The following SCGB2A1 variants were observed in gnomAD, a reference collection of about 807,000 sequenced individuals.
The protein encoded by SCGB2A1 is mammaglobin-B.
In SCGB2A1, 6 loss-of-function variants were observed where a neutral mutation model predicts 9.2. The observed-to-expected ratio is 0.66, with a 90% CI of 0.36 to 1.29. The LOEUF is 1.29. Among genes scored for constraint, SCGB2A1 ranks in the 50% most tolerant of loss-of-function variants. The pLI, the probability that SCGB2A1 is intolerant of heterozygous loss-of-function variation, is 0.03. For missense variants in SCGB2A1, 138 were observed against 116.9 expected (o/e 1.18, Z -0.83); for synonymous variants, 37 against 41.0 (o/e 0.90, Z 0.37).
In SCGB2A1 at chr11:62,213,106, A is replaced by ATAT. The variant is rs67975205; in HGVS notation, c.244-619_244-618insATT. Among the ~76,000 whole-genome samples, 35 of 116,234 alleles carry ATAT rather than the reference A, an allele frequency of 3.0e-4. 3 individuals are homozygous for ATAT. The highest frequency in any genetic ancestry group is 1.1e-3 in the African/African-American group (32 of 29,082). The allele number at this position is 116,234 out of a possible 152,430, so 76.3% of individuals were successfully genotyped here. Reference sequence around the variant, plus strand: ...CATATATACACATATATATATATATATTTTTTTTTTTGTAGAGATGGCATT... The same window carrying ATAT: ...CATATATACACATATATATATATATATATTTTTTTTTTTTGTAGAGATGGCATT... On this transcript the variant is annotated intron_variant, in intron 2 of 2. Transcript: ENST00000244930.
intron 2 of SCGB2A1, among the ~76,000 whole-genome samples, chr11:62,210,867 A>G (rs1231518869): frequency 1.3e-5 from 2 of 151,506 alleles, no homozygotes; most frequent in South Asian, 2.1e-4. Context: ...ACAGACACAG[A>G]CACACATAAG....
chr11:62,212,943 T>C (rs1166924806), intron 2 of SCGB2A1, among the ~76,000 whole-genome samples: 2 of 134,972 alleles, frequency 1.5e-5, no homozygotes, highest in African/African-American at 5.1e-5. Flanking sequence ...TACACACATA[T>C]GTACACACAT....
chr11:62,209,675 G>GTGTGTA (rs1182510774), intron 1 of SCGB2A1, among the ~76,000 whole-genome samples: 1 of 145,234 alleles, frequency 6.9e-6, no homozygotes, highest in East Asian at 2.0e-4. Context: ...GTGTGTGTGT[G>GTGTGTA]TGTTTGAGAC....
rs1262726904 is a variant in SCGB2A1, at chr11:62,213,523, C to T, written c.244-203C>T. The T allele has an allele frequency of 5.7e-6, 3 of 527,256 alleles. No individual in the cohort carries two copies. In the African/African-American group the frequency reaches 5.8e-5, roughly 10 times the overall value. 32.7% of individuals were successfully genotyped at this position (527,256 alleles called of 1,614,324 possible). On this transcript the variant is annotated intron_variant, in intron 2 of 2. Transcript: ENST00000244930. ...GATCACTGGTAGGGAAGAGATCCTA[C>T]AACCCTGGCCCCTGTTTGGCATTAT...
intron 2 of SCGB2A1, among the ~76,000 whole-genome samples, chr11:62,212,997 T>TGTACACACAC (rs1396676901): frequency 7.1e-5 from 8 of 112,102 alleles, no homozygotes; most frequent in African/African-American, 2.4e-4. Flanking sequence ...TACATGCATA[T>TGTACACACAC]ATGTACACAT....
chr11:62,212,581 G>T (rs2134735611), intron 2 of SCGB2A1, among the ~76,000 whole-genome samples: 1 of 152,080 alleles, frequency 6.6e-6, no homozygotes, highest in South Asian at 2.1e-4. Context: ...ATTGCAGTGA[G>T]CCAAGATAGT....
intron 2 of SCGB2A1, among the ~76,000 whole-genome samples, chr11:62,211,850 CAA>C (rs1232197926): frequency 2.0e-5 from 3 of 152,192 alleles, no homozygotes; most frequent in African/African-American, 7.2e-5. Flanking sequence ...TTGTTTAAAA[CAA>C]AAGTCAGTGG....
chr11:62,213,040 A>ACG (rs1350737466), intron 2 of SCGB2A1, among the ~76,000 whole-genome samples: 2,048 of 122,194 alleles, frequency 0.017, 102 homozygotes, highest in African/African-American at 0.053. Flanking sequence ...ACACACATAT[A>ACG]TACATATATA....
chr11:62,211,514 C>T (rs1944830896), intron 2 of SCGB2A1, among the ~76,000 whole-genome samples: 1 of 152,052 alleles, frequency 6.6e-6, no homozygotes, highest in African/African-American at 2.4e-5. Flanking sequence ...ATTCTTGTGC[C>T]TCAGACTCTC....
intron 2 of SCGB2A1, 31 bp from the exon 3 acceptor site, chr11:62,213,695 C>A: frequency 1.9e-6 from 3 of 1,593,158 alleles, no homozygotes; most frequent in Non-Finnish European, 2.6e-6. Context: ...GTGAAATTTG[C>A]AAACCTAAGT....
rs1198544596 is a variant in SCGB2A1, at chr11:62,210,449, A to G, written c.92A>G (p.Lys31Arg). 7 of 1,574,842 alleles carry G rather than the reference A, an allele frequency of 4.4e-6. No individual in the cohort carries two copies. In the African/African-American group the frequency reaches 9.8e-5, roughly 22 times the overall value. Residue 31 changes from lysine to arginine, a missense_variant, in exon 2 of 3, where the codon AAG becomes AGG. Physicochemically the swap from Lys to Arg is conservative, Grantham distance 26 (BLOSUM62 2). Coordinates refer to ENST00000244930, the MANE Select transcript of SCGB2A1 (RefSeq NM_002407.3). ...GCKLLEDMVE[K>R]TINSDISIPE... The stretch of plus-strand genomic sequence containing the variant: ...AAACTCCTGGAGGACATGGTTGAAA[A>G]GACCATCAATTCCGACATATCTATA...
chr11:62,210,923 ATTTT>A (rs5792248), intron 2 of SCGB2A1, among the ~76,000 whole-genome samples: 6 of 137,300 alleles, frequency 4.4e-5, no homozygotes, highest in Non-Finnish European at 3.1e-5. Context: ...AGGCATCGGC[ATTTT>A]TTTTTTTTTT....
At chr11:62,213,672 T>C in intron 2 of SCGB2A1, 54 bp from the exon 3 acceptor site, 3 of 1,535,268 alleles carry the variant, frequency 2.0e-6, no homozygotes, top group African/African-American at 1.4e-5. Flanking sequence ...AGTTTTAATA[T>C]TTGATTTAAT....
intron 2 of SCGB2A1, among the ~76,000 whole-genome samples, chr11:62,210,952 T>G (rs1409153743): frequency 6.7e-6 from 1 of 149,714 alleles, no homozygotes; most frequent in African/African-American, 2.5e-5. Flanking sequence ...AGACGGAGTT[T>G]CGCTCTGTCA....
At chr11:62,211,049 G>A (rs73483902) in intron 2 of SCGB2A1, among the ~76,000 whole-genome samples, 2,793 of 151,494 alleles carry the variant, frequency 0.018, 81 homozygotes, top group African/African-American at 0.064. Flanking sequence ...TCCACCTCCC[G>A]AGTAGTTGGG....
At chr11:62,211,900 T>A (rs1485370574) in intron 2 of SCGB2A1, among the ~76,000 whole-genome samples, 1 of 152,136 alleles carries the variant, frequency 6.6e-6, no homozygotes, top group Non-Finnish European at 1.5e-5. Flanking sequence ...TATAAAGATG[T>A]GTTGGTTACG....
In SCGB2A1 at chr11:62,213,025, T is replaced by TATATACAC. The variant is rs1944847210; in HGVS notation, c.244-699_244-692dup. ...GTACACATATATGCACATATATACATATATACACACATATATACATATATA... is the reference window on the plus strand; with the variant it reads ...GTACACATATATGCACATATATACATATATACACATATACACACATATATACATATATA... On this transcript the variant is annotated intron_variant, in intron 2 of 2. Transcript: ENST00000244930. 5.4e-5 allele frequency among the ~76,000 whole-genome samples: 2 copies of TATATACAC among 36,948 alleles called. 1 individual carries two copies. Among genetic ancestry groups the TATATACAC allele is most frequent in the Non-Finnish European group, 1.3e-4 (2 of 15,542 alleles). The allele number at this position is 36,948 out of a possible 152,430, so 24.2% of individuals were successfully genotyped here. A position where few individuals can be genotyped will look rare whatever the true frequency, so the allele number is the denominator to read the frequency against.
intron 1 of SCGB2A1, among the ~76,000 whole-genome samples, chr11:62,210,169 C>G (rs1944816841): frequency 6.6e-6 from 1 of 152,160 alleles, no homozygotes; most frequent in African/African-American, 2.4e-5. Flanking sequence ...CTCGAGGGTC[C>G]TCTTCACCAA....
At chr11:62,211,461 A>G (rs770832204) in intron 2 of SCGB2A1, among the ~76,000 whole-genome samples, 15 of 152,106 alleles carry the variant, frequency 9.9e-5, no homozygotes, top group Non-Finnish European at 1.9e-4. Context: ...GTGCAGTGGC[A>G]TGATCTTCGT....
Sources: gnomAD v4.1 joint callset for allele counts (sites outside exome capture counted in the v4.1 genomes callset) on GRCh38, gnomAD v4.1.1 for gene constraint, MANE v1.5 for transcripts, NCBI Gene and HGNC (gene_info 2026-07-23, HGNC 2026-07-21) for gene names.